Variants in NLGN1 observed in about 807,000 individuals in gnomAD.
The protein encoded by NLGN1 is neuroligin 1.
Under a neutral mutation model 65.5 loss-of-function variants are expected in NLGN1, and 12 were observed. The ratio of observed to expected loss-of-function variants is 0.18; its 90% confidence interval spans 0.12 to 0.30. The LOEUF is 0.30. NLGN1 is among the 10% of genes least tolerant of loss of function. The pLI, the probability that NLGN1 is intolerant of heterozygous loss-of-function variation, is 1.00. For synonymous variants in NLGN1, 350 were observed against 359.5 expected (o/e 0.97, Z 0.30); for missense variants, 750 against 1,007.1 (o/e 0.74, Z 3.46).
At chr3:173,419,020 C>CTTTTTTTTTTTTTTTT (rs59051811) in intron 1 of NLGN1, among the ~76,000 whole-genome samples, 3 of 12,262 alleles carry the variant, frequency 2.4e-4, no homozygotes, top group African/African-American at 3.4e-4. Flanking sequence ...TCTTCTTCTT[C>CTTTTTTTTTTTTTTTT]TTTTTTTTTT....
chr3:173,477,083 C>A (rs1726347396), intron 2 of NLGN1, among the ~76,000 whole-genome samples: 1 of 151,966 alleles, frequency 6.6e-6, no homozygotes, highest in African/African-American at 2.4e-5. Flanking sequence ...CATCAGCAGC[C>A]AGTTGGATAT....
chr3:173,822,631 A>G (rs1720543239), intron 4 of NLGN1, among the ~76,000 whole-genome samples: 1 of 152,092 alleles, frequency 6.6e-6, no homozygotes, highest in African/African-American at 2.4e-5. Context: ...AACAATTCTG[A>G]TCCCCAAGCA....
At chr3:174,241,894 G>C (rs1015254845) in intron 4 of NLGN1, among the ~76,000 whole-genome samples, 1 of 152,030 alleles carries the variant, frequency 6.6e-6, no homozygotes, top group African/African-American at 2.4e-5. Flanking sequence ...TCCTGACCTC[G>C]TGATCCGCCC....
rs71162356 is a variant in NLGN1, at chr3:173,734,381, A to ATTTTTTTTTTTTTTTTTT, written c.494-73284_494-73267dup. Among the ~76,000 whole-genome samples, 15 of 40,080 alleles carry ATTTTTTTTTTTTTTTTTT rather than the reference A, an allele frequency of 3.7e-4. 1 individual carries two copies. Among genetic ancestry groups the ATTTTTTTTTTTTTTTTTT allele is most frequent in the East Asian group, 1.0e-3 (1 of 992 alleles). The allele number at this position is 40,080 out of a possible 152,430, so 26.3% of individuals were successfully genotyped here. ...ATAATTAGATTCTGTGGATAATTCT[A>ATTTTTTTTTTTTTTTTTT]TTTTTTTTTTTTTTTTTTTTTTTTT... On this transcript the variant is annotated intron_variant, in intron 3 of 6. Transcript: ENST00000457714.
intron 3 of NLGN1, among the ~76,000 whole-genome samples, chr3:173,667,795 C>A: frequency 6.6e-6 from 1 of 151,934 alleles, no homozygotes; most frequent in East Asian, 1.9e-4. Context: ...ACGCCTGGCT[C>A]ACTTTTGTAT....
chr3:174,245,782 C>T (rs1743673418), intron 4 of NLGN1, among the ~76,000 whole-genome samples: 1 of 152,018 alleles, frequency 6.6e-6, no homozygotes, highest in South Asian at 2.1e-4. Flanking sequence ...AATATTCTGC[C>T]CACTTACTTT....
At chr3:173,505,926 G>T (rs768190391) in intron 2 of NLGN1, among the ~76,000 whole-genome samples, 29 of 152,008 alleles carry the variant, frequency 1.9e-4, no homozygotes, top group Non-Finnish European at 4.1e-4. Context: ...TACAGAATTT[G>T]TATGTATATA....
At chr3:173,606,247 G>A (rs1751395770) in intron 3 of NLGN1, among the ~76,000 whole-genome samples, 1 of 151,940 alleles carries the variant, frequency 6.6e-6, no homozygotes, top group South Asian at 2.1e-4. Flanking sequence ...TTAAAACATA[G>A]AGAAGTGCAT....
chr3:173,688,972 A>C (rs1014715467), intron 3 of NLGN1, among the ~76,000 whole-genome samples: 1 of 152,102 alleles, frequency 6.6e-6, no homozygotes, highest in Non-Finnish European at 1.5e-5. Context: ...GCATTTAGTC[A>C]CCTTCCATTT....
intron 4 of NLGN1, among the ~76,000 whole-genome samples, chr3:173,833,758 C>T (rs979194566): frequency 6.6e-5 from 10 of 152,124 alleles, no homozygotes; most frequent in Non-Finnish European, 1.2e-4. Context: ...GCCTCAGCCT[C>T]CCAAAGTGCT....
intron 3 of NLGN1, among the ~76,000 whole-genome samples, chr3:173,654,169 A>C (rs2149659366): frequency 6.6e-6 from 1 of 152,206 alleles, no homozygotes; most frequent in South Asian, 2.1e-4. Context: ...TCTTAGGGAG[A>C]ATTAAAACTG....
chr3:174,099,611 A>T (rs1711935007), intron 4 of NLGN1, among the ~76,000 whole-genome samples: 1 of 152,208 alleles, frequency 6.6e-6, no homozygotes, highest in African/African-American at 2.4e-5. Flanking sequence ...ATAGAAAGTG[A>T]TTAAAACTTA....
intron 3 of NLGN1, among the ~76,000 whole-genome samples, chr3:173,747,349 A>AATATATATACTTAAAT (rs1491367972): frequency 4.0e-5 from 4 of 99,394 alleles, no homozygotes; most frequent in Non-Finnish European, 8.0e-5. Flanking sequence ...TATGTATTTT[A>AATATATATACTTAAAT]ATATATATAC....
At chr3:173,861,790 G>C (rs1729159508) in intron 4 of NLGN1, among the ~76,000 whole-genome samples, 1 of 151,538 alleles carries the variant, frequency 6.6e-6, no homozygotes, top group African/African-American at 2.4e-5. Context: ...ACAGAGTCTT[G>C]GTGTGTTGCC....
intron 3 of NLGN1, among the ~76,000 whole-genome samples, chr3:173,657,538 G>T (rs373541441): frequency 6.6e-6 from 1 of 151,986 alleles, no homozygotes; most frequent in East Asian, 1.9e-4. Context: ...CTGGGCAGTG[G>T]GGGGAAAGCT....
intron 2 of NLGN1, among the ~76,000 whole-genome samples, chr3:173,478,723 C>T (rs1726711189): frequency 6.6e-6 from 1 of 151,782 alleles, no homozygotes; most frequent in Non-Finnish European, 1.5e-5. Flanking sequence ...GAGTTCGAGA[C>T]CAGCCTGGCC....
intron 2 of NLGN1, among the ~76,000 whole-genome samples, chr3:173,483,056 A>G (rs981176705): frequency 1.3e-5 from 2 of 151,804 alleles, no homozygotes; most frequent in Non-Finnish European, 1.5e-5. Context: ...AAGCCTCCCA[A>G]CCTCCAGTAG....
intron 4 of NLGN1, among the ~76,000 whole-genome samples, chr3:173,933,565 T>C (rs1240743100): frequency 6.6e-6 from 1 of 152,180 alleles, no homozygotes. Context: ...TGGCAAGTTA[T>C]TCAGATCCCT....
chr3:174,284,471 G>T (rs1025091233), exon 7 of NLGN1: 6 of 151,306 alleles, frequency 4.0e-5, no homozygotes, highest in Admixed American at 2.0e-4. Context: ...GGCATTATTT[G>T]TTAATTCAGA....
Sources: gnomAD v4.1 joint callset for allele counts (sites outside exome capture counted in the v4.1 genomes callset) on GRCh38, gnomAD v4.1.1 for gene constraint, MANE v1.5 for transcripts, NCBI Gene and HGNC (gene_info 2026-07-23, HGNC 2026-07-21) for gene names.